Variants in COL24A1 observed in about 807,000 individuals in gnomAD.
The protein encoded by COL24A1 is collagen alpha-1(XXIV) chain.
A neutral mutation model predicts 253.9 loss-of-function variants in COL24A1; 224 were observed. That is an observed-to-expected ratio of 0.88 (90% confidence interval 0.79 to 0.99). The LOEUF (loss-of-function observed/expected upper bound fraction) is 0.99, where lower values mean the gene tolerates loss of function less well. Ranked by LOEUF, COL24A1 falls within the 50% of genes least tolerant of loss-of-function variation. The probability of loss-of-function intolerance (pLI) is 0.00; values close to 1 mark genes in which losing one functional copy is unlikely to be tolerated. For missense variants in COL24A1, 2,131 were observed against 2,068.5 expected (o/e 1.03, Z -0.59); for synonymous variants, 685 against 673.7 (o/e 1.02, Z -0.26).
intron 37 of COL24A1, among the ~76,000 whole-genome samples, chr1:85,860,757 A>T (rs1679051604): frequency 6.6e-6 from 1 of 152,308 alleles, no homozygotes; most frequent in East Asian, 1.9e-4. Context: ...AAAAAGAAAT[A>T]AACAAAAAAC....
intron 8 of COL24A1, among the ~76,000 whole-genome samples, chr1:86,060,873 C>T (rs146367832): frequency 3.8e-4 from 57 of 151,570 alleles, no homozygotes; most frequent in Non-Finnish European, 6.3e-4. Flanking sequence ...TAAATGTTCC[C>T]CTATTGATAT....
chr1:86,030,750 C>CTT (rs10708970), intron 14 of COL24A1, among the ~76,000 whole-genome samples: 8 of 142,990 alleles, frequency 5.6e-5, no homozygotes, highest in Non-Finnish European at 9.2e-5. Context: ...TTTTTTCTTT[C>CTT]TTTTTTTTTT....
intron 32 of COL24A1, among the ~76,000 whole-genome samples, chr1:85,885,398 T>TATATATATTTTC (rs1553213745): frequency 1.9e-4 from 11 of 58,180 alleles, no homozygotes; most frequent in Non-Finnish European, 8.1e-5. Flanking sequence ...TATATATATA[T>TATATATATTTTC]TTTTTTTTTA....
intron 18 of COL24A1, among the ~76,000 whole-genome samples, chr1:86,021,433 C>T (rs553453443): frequency 1.4e-4 from 21 of 152,072 alleles, no homozygotes; most frequent in Non-Finnish European, 1.8e-4. Context: ...TACCTGATTG[C>T]CTAGGTTTTT....
intron 24 of COL24A1, among the ~76,000 whole-genome samples, chr1:85,948,258 C>T (rs1689517265): frequency 6.6e-6 from 1 of 152,122 alleles, no homozygotes; most frequent in South Asian, 2.1e-4. Context: ...GGCGCGGTGG[C>T]TCACGCCTGT....
At chr1:85,794,049 G>A (rs1453642760) in intron 47 of COL24A1, among the ~76,000 whole-genome samples, 1 of 151,944 alleles carries the variant, frequency 6.6e-6, no homozygotes, top group Non-Finnish European at 1.5e-5. Context: ...AGTAACTTCA[G>A]AGTTAAACCA....
intron 22 of COL24A1, among the ~76,000 whole-genome samples, chr1:85,967,654 G>A (rs1178453057): frequency 6.6e-6 from 1 of 152,138 alleles, no homozygotes; most frequent in East Asian, 1.9e-4. Context: ...CCACAGACGA[G>A]GTAGCAGGGT....
intron 19 of COL24A1, among the ~76,000 whole-genome samples, chr1:86,004,073 A>T (rs2101078380): frequency 6.6e-6 from 1 of 152,292 alleles, no homozygotes; most frequent in Non-Finnish European, 1.5e-5. Context: ...CTTACCAAGG[A>T]TGTTCCAGCT....
chr1:86,048,590 A>C (rs776757325), intron 11 of COL24A1, among the ~76,000 whole-genome samples: 11 of 151,586 alleles, frequency 7.3e-5, no homozygotes, highest in Admixed American at 3.9e-4. Flanking sequence ...TCCCAGGCTC[A>C]TGCCATTCTC....
chr1:86,084,442 T>G (rs1702896639), intron 7 of COL24A1, among the ~76,000 whole-genome samples: 2 of 152,194 alleles, frequency 1.3e-5, no homozygotes, highest in Admixed American at 1.3e-4. Context: ...TACAACAGAC[T>G]CATGCCAATG....
At chr1:85,850,850 T>A (rs952431004) in intron 37 of COL24A1, among the ~76,000 whole-genome samples, 1 of 152,084 alleles carries the variant, frequency 6.6e-6, no homozygotes, top group Admixed American at 6.6e-5. Flanking sequence ...AATATGCTAG[T>A]CGTTATTAAC....
chr1:85,830,678 C>T (rs192460372), intron 43 of COL24A1, among the ~76,000 whole-genome samples: 11 of 152,244 alleles, frequency 7.2e-5, no homozygotes, highest in African/African-American at 1.9e-4. Flanking sequence ...CAGAGTGACC[C>T]GATTTTCCAG....
chr1:85,825,494 A>G (rs970634967), intron 43 of COL24A1, among the ~76,000 whole-genome samples: 21 of 152,192 alleles, frequency 1.4e-4, no homozygotes, highest in African/African-American at 4.3e-4. Flanking sequence ...CTGAGGAATC[A>G]CCACACTGAC....
chr1:85,954,347 C>T (rs1310142099), intron 24 of COL24A1, among the ~76,000 whole-genome samples: 3 of 152,122 alleles, frequency 2.0e-5, no homozygotes, highest in Non-Finnish European at 4.4e-5. Flanking sequence ...GCAGTAATAA[C>T]AGGATTATAC....
chr1:86,108,500 G>A (rs535077903), intron 5 of COL24A1, among the ~76,000 whole-genome samples: 5 of 151,390 alleles, frequency 3.3e-5, no homozygotes, highest in South Asian at 2.1e-4. Context: ...AAGGACTCTC[G>A]GGCTGGTCGC....
chr1:86,087,748 T>C (rs1703177120), intron 7 of COL24A1, among the ~76,000 whole-genome samples: 1 of 152,210 alleles, frequency 6.6e-6, no homozygotes, highest in African/African-American at 2.4e-5. Flanking sequence ...AGTAGTCAGA[T>C]GTATACTCAG....
intron 53 of COL24A1, among the ~76,000 whole-genome samples, chr1:85,765,956 GATTT>G (rs1337496884): frequency 6.6e-6 from 1 of 152,110 alleles, no homozygotes; most frequent in Non-Finnish European, 1.5e-5. Context: ...AAACTTTCAG[GATTT>G]ATTTGGCAGT....
intron 57 of COL24A1, among the ~76,000 whole-genome samples, chr1:85,744,024 C>G (rs1312504167): frequency 6.6e-6 from 1 of 152,030 alleles, no homozygotes; most frequent in African/African-American, 2.4e-5. Context: ...TCAAATCATA[C>G]ATTTTTTTTT....
At position 85,965,016 on chromosome 1, in the gene COL24A1, C is replaced by G. The variant is rs201092435; in HGVS notation, c.2510G>C (p.Gly837Ala). Residue 837 changes from glycine to alanine, a missense_variant, in exon 23 of 60, where the codon GGC becomes GCC. Transcript: ENST00000370571. The part of the protein sequence containing the change: ...KGYAGEPGPE[G>A]LKGEVGDQGN... ...TAAAGTCAGTTGCTTTACCTTTAAG[C>G]CTTCTGGTCCTGGTTCACCTGCATA... is the stretch of plus-strand genomic sequence containing the variant. The G allele has an allele frequency of 1.4e-5, 22 of 1,610,166 alleles. No individual in the cohort carries two copies. Among genetic ancestry groups the G allele is most frequent in the Non-Finnish European group, 1.6e-5 (19 of 1,177,786 alleles).
Sources: gnomAD v4.1 joint callset for allele counts (sites outside exome capture counted in the v4.1 genomes callset) on GRCh38, gnomAD v4.1.1 for gene constraint, MANE v1.5 for transcripts, NCBI Gene and HGNC (gene_info 2026-07-23, HGNC 2026-07-21) for gene names.